Variants in TBC1D2B observed in about 807,000 individuals in gnomAD.
The protein encoded by TBC1D2B is TBC1 domain family, member 2B.
TBC1D2B carries 64 observed loss-of-function variants against 100.8 expected under a neutral mutation model. That is an observed-to-expected ratio of 0.64 (90% CI 0.52 to 0.78). TBC1D2B has a LOEUF of 0.78. TBC1D2B is among the 30% of genes least tolerant of loss of function. TBC1D2B has a pLI of 0.00. For synonymous variants in TBC1D2B, 480 were observed against 479.7 expected, an observed-to-expected ratio of 1.00 and a Z score of -0.01; for missense variants, 1,052 against 1,218.4, an observed-to-expected ratio of 0.86 and a Z score of 2.03.
intron 10 of TBC1D2B, 60 bp from the exon 11 acceptor site, chr15:78,003,550 C>T (rs993582873): frequency 1.3e-5 from 17 of 1,335,352 alleles, no homozygotes; most frequent in African/African-American, 1.0e-4. Context: ...GGTAAGCAGA[C>T]GAGCAGACGC....
At chr15:78,003,671 C>T (rs28674965) in intron 10 of TBC1D2B, 181 bp from the exon 11 acceptor site, 18,890 of 564,174 alleles carry the variant, frequency 0.033, 641 homozygotes, top group African/African-American at 0.12. Flanking sequence ...GCGCTGACCT[C>T]GTGCACTGCA....
At chr15:78,000,228 G>A (rs1301366666) in intron 12 of TBC1D2B, among the ~76,000 whole-genome samples, 1 of 152,248 alleles carries the variant, frequency 6.6e-6, no homozygotes, top group African/African-American at 2.4e-5. Flanking sequence ...AGAAGGAGGC[G>A]CTGCAGGACC....
rs1837912 is a variant in TBC1D2B at position 78,038,383 on chromosome 15, A to T, written c.683+6517T>A. Among the ~76,000 whole-genome samples, 3 of 152,130 alleles carry T rather than the reference A, an allele frequency of 2.0e-5. No homozygotes were observed. In the South Asian group the frequency reaches 6.2e-4, roughly 32 times the overall value. On this transcript the variant is annotated intron_variant, in intron 3 of 12. Transcript: ENST00000300584. ...CTCTGAAGAATGAGCAGAAGTAACC[A>T]GAGAAGACAGAGCCCTCCCTGCAAT...
At chr15:78,030,516 C>A (rs2072782307) in intron 3 of TBC1D2B, among the ~76,000 whole-genome samples, 2 of 152,048 alleles carry the variant, frequency 1.3e-5, no homozygotes, top group Non-Finnish European at 2.9e-5. Flanking sequence ...ACCATGTTGG[C>A]CAGGCTGGGC....
intron 1 of TBC1D2B, chr15:78,066,078 A>G (rs2073650736): frequency 2.1e-6 from 1 of 470,940 alleles, no homozygotes; most frequent in Admixed American, 2.3e-5. Flanking sequence ...AAATACCGAA[A>G]GATGCCAAGT....
Position 78,013,275 on chromosome 15 carries a change from A to G in TBC1D2B, c.1818T>C (p.Asp606=), listed in dbSNP as rs377622910. 2 of 1,613,976 alleles carry G rather than the reference A, an allele frequency of 1.2e-6. No individual in the cohort carries two copies. The highest frequency in any genetic ancestry group is 1.7e-6 in the Non-Finnish European group (2 of 1,179,864). The part of the protein sequence containing the change: ...IYGFRTVPED[D]EEEKLVAKVR... ...CCTTGGCAACCAATTTCTCTTCCTCATCATCCTCAGGTACAGTCCTGAACC... is the reference window on the plus strand; with the variant it reads ...CCTTGGCAACCAATTTCTCTTCCTCGTCATCCTCAGGTACAGTCCTGAACC... The change falls in exon 9 of 13, where the codon GAT becomes GAC. Residue 606 remains aspartate, a synonymous_variant. Coordinates refer to ENST00000300584, the MANE Select transcript of TBC1D2B (RefSeq NM_144572.2).
chr15:78,001,771 G>A, intron 11 of TBC1D2B, 31 bp from the exon 12 acceptor site: 18 of 1,582,142 alleles, frequency 1.1e-5, no homozygotes, highest in Non-Finnish European at 1.5e-5. Context: ...TCTGTTAGTG[G>A]AAAAACCCTG....
intron 1 of TBC1D2B, among the ~76,000 whole-genome samples, chr15:78,073,160 T>C (rs2073767263): frequency 6.6e-6 from 1 of 152,190 alleles, no homozygotes; most frequent in East Asian, 1.9e-4. Flanking sequence ...CTTCATGATG[T>C]TGGCAAAATC....
At chr15:78,025,805 C>T (rs576109226) in intron 4 of TBC1D2B, among the ~76,000 whole-genome samples, 2 of 152,126 alleles carry the variant, frequency 1.3e-5, no homozygotes, top group Non-Finnish European at 2.9e-5. Context: ...GGATTACAGG[C>T]GTGAGCCACC....
At chr15:78,016,782 A>C in intron 7 of TBC1D2B, 43 bp from the exon 8 acceptor site, 1 of 1,443,194 alleles carries the variant, frequency 6.9e-7, no homozygotes, top group Admixed American at 2.8e-5. Flanking sequence ...ACAGAGACAC[A>C]GGAAGAGCAA....
chr15:78,019,608 C>T (rs2072462618), intron 6 of TBC1D2B, among the ~76,000 whole-genome samples: 1 of 150,270 alleles, frequency 6.7e-6, no homozygotes, highest in African/African-American at 2.4e-5. Context: ...ACAAGGTTGG[C>T]TGGGAATGGT....
At chr15:78,045,869 T>C (rs543600411) in intron 2 of TBC1D2B, among the ~76,000 whole-genome samples, 2 of 152,216 alleles carry the variant, frequency 1.3e-5, no homozygotes, top group South Asian at 4.1e-4. Flanking sequence ...TCTTCGTATA[T>C]GTTTAAAATT....
Position 78,013,342 on chromosome 15 carries a change from A to G in TBC1D2B, c.1776-25T>C, listed in dbSNP as rs2072285491. On this transcript the variant is annotated intron_variant, in intron 8 of 12. Transcript: ENST00000300584. ...ACTGTTGATAAAAACAAAAGGAAAA[A>G]TTAAAATGACAAAGTTTTAGCAACA... The G allele has an allele frequency of 5.2e-6, 8 of 1,543,550 alleles. No individual in the cohort carries two copies. The African/African-American group carries it at 9.7e-5, about 19-fold the overall frequency.
rs776903939 is a variant in TBC1D2B at position 78,025,441 on chromosome 15, G to A, written c.904C>T (p.Arg302Cys). ...GACCCAATTATGTCTTTCAAAGGGC[G>A]CTTTCCTTTGTAGGGGTTACGTCCA... The part of the protein sequence containing the change: ...DFGRNPYKGK[R>C]PLKDIIGSYK... The change falls in exon 5 of 13, where the codon CGC (arginine) becomes TGC (cysteine). Residue 302 changes from arginine to cysteine, a missense_variant. By Grantham distance (180) the Arg-to-Cys change is radical. This residue lies in a region of TBC1D2B where 627 missense variants were observed against 646.1 expected (regional missense o/e 0.97). Transcript: ENST00000300584. 5.6e-6 allele frequency: 9 copies of A among 1,613,810 alleles called. No homozygotes were observed. Among genetic ancestry groups the A allele is most frequent in the Non-Finnish European group, 5.9e-6 (7 of 1,179,896 alleles).
chr15:78,038,311 T>C (rs896749108), intron 3 of TBC1D2B, among the ~76,000 whole-genome samples: 1 of 152,118 alleles, frequency 6.6e-6, no homozygotes, highest in Non-Finnish European at 1.5e-5. Flanking sequence ...TACAGGGCTA[T>C]GAAGGAGAAG....
At chr15:78,056,516 G>A (rs2073425119) in intron 1 of TBC1D2B, among the ~76,000 whole-genome samples, 1 of 152,198 alleles carries the variant, frequency 6.6e-6, no homozygotes, top group African/African-American at 2.4e-5. Context: ...CTGGAGTTTG[G>A]GAGGCAGGCT....
Position 78,013,288 on chromosome 15 carries a change from A to T in TBC1D2B, c.1805T>A (p.Val602Glu), listed in dbSNP as rs2072283644. 1 of 1,609,596 alleles carries T rather than the reference A, an allele frequency of 6.2e-7. No individual in the cohort carries two copies. Among genetic ancestry groups the T allele is most frequent in the African/African-American group, 1.3e-5 (1 of 74,752 alleles). The change falls in exon 9 of 13, where the codon GTA becomes GAA. Residue 602 changes from valine to glutamate, a missense_variant. Val to Glu is a moderately radical substitution (Grantham distance 121). This residue lies in a region of TBC1D2B where 373 missense variants were observed against 464.9 expected (regional missense o/e 0.80). Transcript: ENST00000300584. ...SEYDIYGFRT[V>E]PEDDEEEKLV... ...TTTCTCTTCCTCATCATCCTCAGGT[A>T]CAGTCCTGAACCCATAAATATCATA...
chr15:78,034,524 G>A (rs2072899041), intron 3 of TBC1D2B: 2 of 985,452 alleles, frequency 2.0e-6, no homozygotes, highest in South Asian at 9.4e-5. Flanking sequence ...TTCCTAAAGG[G>A]TGAATGCAGG....
At chr15:78,041,958 G>C (rs982706896) in intron 3 of TBC1D2B, among the ~76,000 whole-genome samples, 1 of 152,196 alleles carries the variant, frequency 6.6e-6, no homozygotes, top group African/African-American at 2.4e-5. Flanking sequence ...TATTACAAAT[G>C]AGAAACGGAG....
Sources: gnomAD v4.1 joint callset for allele counts (sites outside exome capture counted in the v4.1 genomes callset) on GRCh38, gnomAD v4.1.1 for gene constraint, gnomAD v4.1.1 regional missense constraint, MANE v1.5 for transcripts, NCBI Gene and HGNC (gene_info 2026-07-23, HGNC 2026-07-21) for gene names.